CELF2: variants seen among roughly 807,000 people sequenced by gnomAD.
CELF2 encodes the protein CUG triplet repeat RNA-binding protein 2.
In CELF2, 8 loss-of-function variants were observed where a neutral mutation model predicts 62.6. The ratio of observed to expected loss-of-function variants is 0.13; its 90% CI spans 0.07 to 0.23. The LOEUF (loss-of-function observed/expected upper bound fraction) is 0.23. Among genes scored for constraint, CELF2 ranks in the 10% least tolerant of loss-of-function variants. CELF2 has a pLI of 1.00. For synonymous variants in CELF2, 258 were observed against 250.0 expected (o/e 1.03, Z -0.30); for missense variants, 333 against 671.0 (o/e 0.50, Z 5.56).
chr10:10,745,128 C>CA, the CELF2 span, among the ~76,000 whole-genome samples: 544 of 98,300 alleles, frequency 5.5e-3, 1 homozygote, highest in Middle Eastern at 0.024. Context: ...AAAAAAAAAA[C>CA]AAAACAAAAA....
chr10:10,979,805 A>C (rs1022546549), intron 2 of CELF2, among the ~76,000 whole-genome samples: 1 of 152,196 alleles, frequency 6.6e-6, no homozygotes, highest in African/African-American at 2.4e-5. Flanking sequence ...AGCTGGTAAA[A>C]CATCTGAGAT....
At chr10:10,709,666 T>C in the CELF2 span, among the ~76,000 whole-genome samples, 2 of 152,238 alleles carry the variant, frequency 1.3e-5, no homozygotes, top group African/African-American at 4.8e-5. Flanking sequence ...ATGTTTTCCT[T>C]TTGTTATTTC....
chr10:10,759,969 G>T, the CELF2 span, among the ~76,000 whole-genome samples: 1 of 152,074 alleles, frequency 6.6e-6, no homozygotes, highest in Non-Finnish European at 1.5e-5. Flanking sequence ...GCAGTGATGC[G>T]ATCTTGGCTC....
intron 3 of CELF2, among the ~76,000 whole-genome samples, chr10:11,234,490 A>G (rs1202061527): frequency 2.0e-5 from 3 of 151,968 alleles, no homozygotes; most frequent in Admixed American, 6.6e-5. Flanking sequence ...AGACCATCCT[A>G]GCTAACACGG....
rs576289430 is a variant in CELF2 at position 11,158,970 on chromosome 10, A to G, written c.75-6516A>G. ...AGGTAATACGTGTGTATGTACATATAGGAAACCTGAACCTTTTCTTCAGAG... is the reference window on the plus strand; with the variant it reads ...AGGTAATACGTGTGTATGTACATATGGGAAACCTGAACCTTTTCTTCAGAG... On this transcript the variant is annotated intron_variant, in intron 1 of 12. Transcript: ENST00000633077. Among the ~76,000 whole-genome samples, 22 of 152,368 alleles carry G rather than the reference A, an allele frequency of 1.4e-4. No individual in the cohort carries two copies. The South Asian group carries it at 4.3e-3, about 30-fold the overall frequency.
At chr10:11,201,480 T>C (rs1328765839) in intron 2 of CELF2, among the ~76,000 whole-genome samples, 1 of 152,194 alleles carries the variant, frequency 6.6e-6, no homozygotes, top group Non-Finnish European at 1.5e-5. Context: ...AAAGAAAGTA[T>C]GGAGGACTCA....
At chr10:10,828,604 TTAATGATAC>T (rs1189120847) in intron 1 of CELF2, among the ~76,000 whole-genome samples, 1 of 152,214 alleles carries the variant, frequency 6.6e-6, no homozygotes, top group Non-Finnish European at 1.5e-5. Flanking sequence ...GTGAGTATAC[TTAATGATAC>T]TAAACTATGC....
At chr10:11,052,405 G>C (rs1487690277) in intron 1 of CELF2, among the ~76,000 whole-genome samples, 1 of 152,112 alleles carries the variant, frequency 6.6e-6, no homozygotes, top group African/African-American at 2.4e-5. Context: ...GCAGACACCT[G>C]AGATTGAAGC....
chr10:10,707,557 A>G, the CELF2 span, among the ~76,000 whole-genome samples: 13 of 152,340 alleles, frequency 8.5e-5, 1 homozygote, highest in Middle Eastern at 3.4e-3. Flanking sequence ...TTTGGTTCAC[A>G]TGAAGGAAAC....
At chr10:11,091,323 C>T (rs1356898099) in intron 1 of CELF2, among the ~76,000 whole-genome samples, 1 of 152,104 alleles carries the variant, frequency 6.6e-6, no homozygotes, top group African/African-American at 2.4e-5. Context: ...GGCTGTTCTC[C>T]CTGGGGAACC....
chr10:11,124,064 G>C (rs1750732), intron 1 of CELF2, among the ~76,000 whole-genome samples: 1 of 151,892 alleles, frequency 6.6e-6, no homozygotes, highest in Non-Finnish European at 1.5e-5. Context: ...GGGAATTCCC[G>C]TGTATAAAAC....
At chr10:11,031,365 A>G (rs954627481) in intron 1 of CELF2, among the ~76,000 whole-genome samples, 1 of 152,196 alleles carries the variant, frequency 6.6e-6, no homozygotes, top group African/African-American at 2.4e-5. Flanking sequence ...CATTTCAAGG[A>G]TCATTACACT....
At chr10:11,109,706 C>A (rs1228217033) in intron 1 of CELF2, among the ~76,000 whole-genome samples, 1 of 152,162 alleles carries the variant, frequency 6.6e-6, no homozygotes. Flanking sequence ...TCTATTCCTG[C>A]CTATGAAAGT....
chr10:11,078,824 G>A (rs2072985338), intron 1 of CELF2, among the ~76,000 whole-genome samples: 2 of 152,190 alleles, frequency 1.3e-5, no homozygotes, highest in African/African-American at 4.8e-5. Flanking sequence ...AGTGGTTGCT[G>A]TCTGGGAGTG....
At chr10:10,730,349 T>C in the CELF2 span, among the ~76,000 whole-genome samples, 2 of 152,076 alleles carry the variant, frequency 1.3e-5, no homozygotes, top group African/African-American at 2.4e-5. Context: ...TGGTGATGCA[T>C]GCCTGTAATC....
intron 2 of CELF2, among the ~76,000 whole-genome samples, chr10:10,929,262 A>T (rs1371797028): frequency 2.0e-5 from 3 of 152,144 alleles, no homozygotes; most frequent in African/African-American, 7.2e-5. Context: ...TTCCTTAATC[A>T]TGTGGACTTA....
At chr10:10,607,763 G>A in the CELF2 span, among the ~76,000 whole-genome samples, 1 of 152,166 alleles carries the variant, frequency 6.6e-6, no homozygotes, top group African/African-American at 2.4e-5. Flanking sequence ...AGCAATACAT[G>A]ACTCTGTTTT....
chr10:10,890,740 C>T (rs966869951), intron 1 of CELF2, among the ~76,000 whole-genome samples: 10 of 152,170 alleles, frequency 6.6e-5, no homozygotes, highest in African/African-American at 2.2e-4. Context: ...ATAGGCTGGG[C>T]GCTGTGGCTC....
Position 11,306,055 on chromosome 10 carries a change from A to T in CELF2, c.977-8084A>T. ...AGCTGGCCTGAACGTCCGTCGCCTG[A>T]TTGATAGGTTTTAACCAGTGGTACA... On this transcript the variant is annotated intron_variant, in intron 9 of 12. Transcript: ENST00000633077. The surrounding 1 kb of genome is among the most constrained non-coding windows in gnomAD (Gnocchi z 4.4). Among the ~76,000 whole-genome samples, 1 of 152,172 alleles carries T rather than the reference A, an allele frequency of 6.6e-6. No individual in the cohort carries two copies. Among genetic ancestry groups the T allele is most frequent in the Non-Finnish European group, 1.5e-5 (1 of 68,032 alleles).
Sources: allele counts gnomAD v4.1 joint callset (sites outside exome capture counted in the v4.1 genomes callset), GRCh38; gene constraint gnomAD v4.1.1; non-coding constraint Gnocchi (gnomAD v3.1); transcripts MANE v1.5; gene names NCBI Gene and HGNC (gene_info 2026-07-23, HGNC 2026-07-21).